The following SECISBP2 variants were observed in gnomAD, a reference collection of about 807,000 sequenced individuals.
SECISBP2 encodes selenocysteine insertion sequence-binding protein 2.
SECISBP2 carries 96 observed loss-of-function variants against 98.2 expected under a neutral mutation model. The observed-to-expected ratio is 0.98, with a 90% confidence interval of 0.83 to 1.16. The LOEUF (loss-of-function observed/expected upper bound fraction) is 1.16. Ranked by LOEUF, SECISBP2 falls within the 50% of genes most tolerant of loss-of-function variation. The pLI is 0.00. For missense variants in SECISBP2, 1,046 were observed against 1,022.9 expected (o/e 1.02, Z -0.31); for synonymous variants, 407 against 370.2 (o/e 1.10, Z -1.14).
intron 2 of SECISBP2, among the ~76,000 whole-genome samples, chr9:89,320,257 G>A (rs544481882): frequency 1.9e-4 from 28 of 151,350 alleles, no homozygotes; most frequent in South Asian, 4.2e-4. Context: ...TCGGGAGACT[G>A]GGGCAGCAGA....
At chr9:89,363,534 A>G (rs377030858), downstream of SECISBP2, 3 of 1,613,838 alleles carry the variant, frequency 1.9e-6, no homozygotes, top group Non-Finnish European at 2.5e-6. Context: ...ACTTCTGGAA[A>G]ACAAGCAGGG....
chr9:89,362,223 G>T (rs1832811858), downstream of SECISBP2: 1 of 1,022,212 alleles, frequency 9.8e-7, no homozygotes, highest in Non-Finnish European at 1.5e-6. Context: ...TGGGTTCCAG[G>T]CTTCTCCACT....
intron 10 of SECISBP2, among the ~76,000 whole-genome samples, chr9:89,344,091 G>T (rs899547750): frequency 6.6e-6 from 1 of 152,086 alleles, no homozygotes; most frequent in African/African-American, 2.4e-5. Context: ...GGTTTTTCTC[G>T]TATGCTTGTT....
chr9:89,347,052 T>G lies in SECISBP2; in HGVS notation c.1602+4T>G. On this transcript the variant is annotated splice_donor_region_variant and intron_variant, in intron 11 of 16. Coordinates refer to ENST00000375807, the MANE Select transcript of SECISBP2 (RefSeq NM_024077.5). ...GAAGCCAACCTCACTGAAGAAGGTA[T>G]GTGGGGTGTTTCAGCCGAAGTGAGG... 3.7e-6 allele frequency: 6 copies of G among 1,613,510 alleles called. No homozygotes were observed. Among genetic ancestry groups the G allele is most frequent in the Non-Finnish European group, 5.1e-6 (6 of 1,179,788 alleles).
rs1055572344 is a variant in SECISBP2, at chr9:89,319,688, C to A, written c.73C>A (p.Pro25Thr). ...KLSADVKPFVPRFAGLNVAWL... is the reference protein window; with the variant it reads ...KLSADVKPFVTRFAGLNVAWL... ...ATCAGCAGATGTCAAACCATTTGTC[C>A]CCAGATTTGCCGGGCTCAATGTGGC... is the stretch of plus-strand genomic sequence containing the variant. Residue 25 changes from proline (P) to threonine (T), a missense_variant, in exon 2 of 17, where the codon CCC becomes ACC. Transcript: ENST00000375807. 6.2e-7 allele frequency: 1 copy of A among 1,614,148 alleles called. No individual in the cohort carries two copies. Among genetic ancestry groups the A allele is most frequent in the Non-Finnish European group, 8.5e-7 (1 of 1,180,036 alleles).
At chr9:89,362,971 C>T (rs1164006884), downstream of SECISBP2, among the ~76,000 whole-genome samples, 1 of 152,172 alleles carries the variant, frequency 6.6e-6, no homozygotes, top group East Asian at 1.9e-4. Context: ...AGCCCAGTTC[C>T]TGCCAGGGCT....
At chr9:89,328,166 G>A (rs1159844241) in intron 4 of SECISBP2, among the ~76,000 whole-genome samples, 2 of 152,284 alleles carry the variant, frequency 1.3e-5, no homozygotes, top group Admixed American at 1.3e-4. Flanking sequence ...ACATAAACAA[G>A]TGACATAGTT....
At chr9:89,365,941 C>T in the SECISBP2 span, among the ~76,000 whole-genome samples, 1 of 152,206 alleles carries the variant, frequency 6.6e-6, no homozygotes, top group African/African-American at 2.4e-5. Context: ...TCTTGGTCAA[C>T]AATTCCCCAC....
chr9:89,360,955 G>T (rs1304013085), downstream of SECISBP2: 1 of 152,188 alleles, frequency 6.6e-6, no homozygotes, highest in Non-Finnish European at 1.5e-5. Context: ...TTCAGGAGAA[G>T]AGACAGAAAA....
At position 89,339,730 on chromosome 9, in the gene SECISBP2, G is replaced by A. The variant is rs959849249; in HGVS notation, c.1213-134G>A. 12 of 696,130 alleles carry A rather than the reference G, an allele frequency of 1.7e-5. No homozygotes were observed. In the South Asian group the frequency reaches 1.9e-4, roughly 11 times the overall value. 43.1% of individuals were successfully genotyped at this position (696,130 alleles called of 1,614,324 possible). On this transcript the variant is annotated intron_variant, in intron 8 of 16. Coordinates refer to ENST00000375807, the MANE Select transcript of SECISBP2 (RefSeq NM_024077.5). Reference sequence around the variant, plus strand: ...TTAAATAAAGCAGAAGCTCTTATGTGAGAGTTTCGCGGCTTTTTTTTTTAA... The same window carrying A: ...TTAAATAAAGCAGAAGCTCTTATGTAAGAGTTTCGCGGCTTTTTTTTTTAA...
At chr9:89,325,329 C>G in intron 2 of SECISBP2, 98 bp from the exon 3 acceptor site, 2 of 1,173,748 alleles carry the variant, frequency 1.7e-6, no homozygotes, top group Non-Finnish European at 2.5e-6. Context: ...TGAATGGTCT[C>G]AGAAATATTA....
intron 14 of SECISBP2, among the ~76,000 whole-genome samples, chr9:89,353,041 G>A (rs969072846): frequency 6.6e-6 from 1 of 152,120 alleles, no homozygotes; most frequent in South Asian, 2.1e-4. Context: ...CTAAGTAGCC[G>A]ACTGGAAATC....
rs1007154830 is a variant in SECISBP2 at position 89,346,968 on chromosome 9, T to C, written c.1522T>C (p.Leu508=). ...MSQMKTPHNP[L]DSSAPLMKKG... is the part of the protein sequence containing the mutation. ...TCAAATGAAGACCCCGCACAATCCC[T>C]TGGACTCCAGCGCCCCACTGATGAA... Residue 508 remains leucine (L), a synonymous_variant, in exon 11 of 17, where the codon TTG becomes CTG. Transcript: ENST00000375807. The C allele has an allele frequency of 3.1e-6, 5 of 1,614,006 alleles. No homozygotes were observed. In the African/African-American group the frequency reaches 6.7e-5, roughly 22 times the overall value.
chr9:89,362,328 C>G, downstream of SECISBP2: 1 of 1,613,488 alleles, frequency 6.2e-7, no homozygotes, highest in Admixed American at 1.7e-5. Context: ...AGGCCTTCTC[C>G]GGGGGTGGCT....
chr9:89,328,611 T>A (rs757319121), intron 4 of SECISBP2, 49 bp from the exon 5 acceptor site: 3 of 1,514,486 alleles, frequency 2.0e-6, no homozygotes, highest in South Asian at 2.3e-5. Context: ...ATACTGGTCA[T>A]CAAACAGTAA....
At chr9:89,322,932 T>C (rs1454941158) in intron 2 of SECISBP2, 2 of 152,214 alleles carry the variant, frequency 1.3e-5, no homozygotes, top group African/African-American at 4.8e-5. Context: ...TTAAATGGGG[T>C]CATTGTAATC....
chr9:89,331,147 A>G (rs1450704824), intron 5 of SECISBP2, among the ~76,000 whole-genome samples: 2 of 152,248 alleles, frequency 1.3e-5, no homozygotes, highest in East Asian at 1.9e-4. Flanking sequence ...TCTTTTAAAA[A>G]TAGTCTATTG....
chr9:89,327,490 A>C (rs1370699182), intron 4 of SECISBP2, among the ~76,000 whole-genome samples: 2 of 152,214 alleles, frequency 1.3e-5, no homozygotes, highest in African/African-American at 2.4e-5. Context: ...AAAAACCAAA[A>C]ATACTTGGCT....
downstream of SECISBP2, chr9:89,360,737 G>C (rs778644886): frequency 3.3e-5 from 5 of 152,176 alleles, no homozygotes; most frequent in African/African-American, 1.2e-4. Flanking sequence ...AGATGGTGCC[G>C]CATGAAGCAC....
Sources: allele counts gnomAD v4.1 joint callset (sites outside exome capture counted in the v4.1 genomes callset), GRCh38; gene constraint gnomAD v4.1.1; transcripts MANE v1.5; gene names NCBI Gene and HGNC (gene_info 2026-07-23, HGNC 2026-07-21).